The following IDI1 variants were observed in gnomAD, a reference collection of about 807,000 sequenced individuals.
The protein encoded by IDI1 is isopentenyl-diphosphate delta isomerase 1, also known as isopentenyl-diphosphate Delta-isomerase 1.
IDI1 carries 23 observed loss-of-function variants against 32.9 expected under a neutral mutation model. The ratio of observed to expected loss-of-function variants is 0.70; its 90% CI spans 0.50 to 0.99. The LOEUF (loss-of-function observed/expected upper bound fraction) is 0.99, where lower values mean the gene tolerates loss of function less well. IDI1 is among the 50% of genes least tolerant of loss of function. The probability of loss-of-function intolerance (pLI) is 0.00; values close to 1 mark genes in which losing one functional copy is unlikely to be tolerated. For synonymous variants in IDI1, 133 were observed against 128.2 expected, an observed-to-expected ratio of 1.04 and a Z score of -0.25; for missense variants, 326 against 351.9, an observed-to-expected ratio of 0.93 and a Z score of 0.59.
At chr10:1,054,720 T>C in the IDI1 span, among the ~76,000 whole-genome samples, 1 of 152,246 alleles carries the variant, frequency 6.6e-6, no homozygotes, top group Admixed American at 6.5e-5. Context: ...ATGGGTTAAA[T>C]TGTGTCCCCC....
At chr10:1,051,880 A>C (rs1392079346), upstream of IDI1, among the ~76,000 whole-genome samples, 2 of 152,154 alleles carry the variant, frequency 1.3e-5, no homozygotes, top group Non-Finnish European at 2.9e-5. Flanking sequence ...ACCACAGGAA[A>C]ACTTTTTTTT....
chr10:1,055,914 T>C, the IDI1 span, among the ~76,000 whole-genome samples: 5 of 152,242 alleles, frequency 3.3e-5, no homozygotes, highest in African/African-American at 9.6e-5. Context: ...GTTCAAGCGA[T>C]TCTCCTGCCT....
chr10:1,049,463 T>TCTCC (rs1832924800), upstream of IDI1: 19 of 74,576 alleles, frequency 2.5e-4, no homozygotes, highest in African/African-American at 8.1e-4. Context: ...GGTTGGGCAC[T>TCTCC]CCCCCCCCTC....
upstream of IDI1, among the ~76,000 whole-genome samples, chr10:1,053,659 T>C (rs191640267): frequency 2.1e-3 from 320 of 152,342 alleles, 1 homozygote; most frequent in African/African-American, 7.4e-3. Context: ...ATTTCTAGTT[T>C]TGATTTAAAG....
At chr10:1,051,038 A>G (rs879357316), upstream of IDI1, among the ~76,000 whole-genome samples, 16 of 152,244 alleles carry the variant, frequency 1.1e-4, no homozygotes, top group Non-Finnish European at 2.2e-4. Flanking sequence ...AACCACTTCA[A>G]TGGACATTTT....
upstream of IDI1, among the ~76,000 whole-genome samples, chr10:1,052,732 C>T (rs1833046282): frequency 6.6e-6 from 1 of 152,092 alleles, no homozygotes; most frequent in African/African-American, 2.4e-5. Context: ...ATTAGCATAA[C>T]GCTTAAGGAC....
At chr10:1,046,119 G>GGACCTC (rs1832802801) in intron 1 of IDI1, among the ~76,000 whole-genome samples, 1 of 152,154 alleles carries the variant, frequency 6.6e-6, no homozygotes, top group African/African-American at 2.4e-5. Flanking sequence ...ACCTCCCACA[G>GGACCTC]CTACCAAAAT....
chr10:1,044,654 GC>G (rs998454239), intron 1 of IDI1, among the ~76,000 whole-genome samples: 29 of 152,130 alleles, frequency 1.9e-4, no homozygotes, highest in African/African-American at 6.8e-4. Context: ...TTTTTTCAAG[GC>G]ACAACTCGTG....
At chr10:1,052,033 C>T (rs190007609), upstream of IDI1, among the ~76,000 whole-genome samples, 1,192 of 152,246 alleles carry the variant, frequency 7.8e-3, 19 homozygotes, top group African/African-American at 0.027. Context: ...CCACCATGCC[C>T]GGCTAATTTT....
chr10:1,051,534 CA>C (rs1833014124), upstream of IDI1, among the ~76,000 whole-genome samples: 1 of 152,240 alleles, frequency 6.6e-6, no homozygotes, highest in Non-Finnish European at 1.5e-5. Context: ...GCTTACAACT[CA>C]AACGTTCCCA....
At chr10:1,049,165 C>T, upstream of IDI1, 1 of 1,195,614 alleles carries the variant, frequency 8.4e-7, no homozygotes, top group Non-Finnish European at 1.1e-6. Context: ...TCAACACGCC[C>T]CACCCCCAGT....
Position 1,044,063 on chromosome 10 carries a change from T to G in IDI1, c.249A>C (p.Glu83Asp). The change falls in exon 2 of 5, where the codon GAA becomes GAC. Residue 83 changes from glutamate (E) to aspartate (D), a missense_variant. By Grantham distance (45) the Glu-to-Asp change is conservative (BLOSUM62 2). Around this residue, in one of 2 missense-constraint regions of IDI1, gnomAD observed 205 missense variants for 273.5 expected, o/e 0.75. Transcript: ENST00000381344. ...TCTCAGCTCCAATTTTATTGTCATT[T>G]TCATCAATAAGGATACACATCTCTG... ...LLAEMCILID[E>D]NDNKIGAETK... 1.9e-6 allele frequency: 3 copies of G among 1,613,502 alleles called. No individual in the cohort carries two copies. The highest frequency in any genetic ancestry group is 2.5e-6 in the Non-Finnish European group (3 of 1,179,570).
At chr10:1,042,981 T>C (rs1832663301) in intron 3 of IDI1, among the ~76,000 whole-genome samples, 1 of 152,244 alleles carries the variant, frequency 6.6e-6, no homozygotes, top group Admixed American at 6.5e-5. Flanking sequence ...TAATGGGCTA[T>C]CAGTAATTAT....
intron 1 of IDI1, chr10:1,048,393 T>C: frequency 7.7e-7 from 1 of 1,304,970 alleles, no homozygotes; most frequent in Non-Finnish European, 1.0e-6. Flanking sequence ...TGTCACCCTC[T>C]TGCACGGACG....
the IDI1 span, among the ~76,000 whole-genome samples, chr10:1,055,852 A>T: frequency 6.6e-6 from 1 of 151,980 alleles, no homozygotes; most frequent in African/African-American, 2.4e-5. Flanking sequence ...GCTCTGTCCC[A>T]GGCTGGAGTG....
At chr10:1,043,824 T>C in intron 2 of IDI1, 175 bp downstream of exon 2, 3 of 669,032 alleles carry the variant, frequency 4.5e-6, no homozygotes, top group Non-Finnish European at 8.1e-6. Context: ...GAGAAATCGC[T>C]GTAACAGGAA....
chr10:1,048,626 T>C, intron 1 of IDI1: 1 of 1,405,604 alleles, frequency 7.1e-7, no homozygotes, highest in Non-Finnish European at 9.2e-7. Flanking sequence ...AATGGCAACG[T>C]CTCTGACGCC....
intron 2 of IDI1, 81 bp from the exon 3 acceptor site, chr10:1,043,474 CATT>C: frequency 2.3e-6 from 2 of 853,060 alleles, no homozygotes; most frequent in Non-Finnish European, 4.1e-6. Context: ...TTCAGAATAA[CATT>C]AGTAACTTGC....
At chr10:1,051,293 TAA>T (rs1833006563), upstream of IDI1, among the ~76,000 whole-genome samples, 1 of 152,260 alleles carries the variant, frequency 6.6e-6, no homozygotes, top group Admixed American at 6.5e-5. Context: ...GGCTTCCACA[TAA>T]AGTCACCAAG....
Sources: gnomAD v4.1 joint callset for allele counts (sites outside exome capture counted in the v4.1 genomes callset) on GRCh38, gnomAD v4.1.1 for gene constraint, gnomAD v4.1.1 regional missense constraint, MANE v1.5 for transcripts, NCBI Gene and HGNC (gene_info 2026-07-23, HGNC 2026-07-21) for gene names.